The following PHF20L1 variants were observed in gnomAD, a reference collection of about 807,000 sequenced individuals.
The protein encoded by PHF20L1 is PHD finger protein 20 like 1.
PHF20L1 carries 44 observed loss-of-function variants against 125.5 expected under a neutral mutation model. That is an observed-to-expected ratio of 0.35 (90% CI 0.28 to 0.45). The LOEUF (loss-of-function observed/expected upper bound fraction) is 0.45. Among genes scored for constraint, PHF20L1 ranks in the 20% least tolerant of loss-of-function variants. The pLI is 1.00. For missense variants in PHF20L1, 1,012 were observed against 1,217.2 expected (o/e 0.83, Z 2.51); for synonymous variants, 380 against 403.1 (o/e 0.94, Z 0.69).
Position 132,846,110 on chromosome 8 carries a change from A to G in PHF20L1, c.*187A>G, listed in dbSNP as rs1016527432. The G allele has an allele frequency of 2.0e-6, 1 of 509,564 alleles. No individual in the cohort carries two copies. The highest frequency in any genetic ancestry group is 3.5e-6 in the Non-Finnish European group (1 of 285,778). The allele number at this position is 509,564 out of a possible 1,614,324, so 31.6% of individuals were successfully genotyped here. Reference sequence around the variant, plus strand: ...AACTTTATCAAGGAAGCTAGTATTTAAAAACAAATTCATGAGCAAGCTGCA... The same window carrying G: ...AACTTTATCAAGGAAGCTAGTATTTGAAAACAAATTCATGAGCAAGCTGCA... On this transcript the variant is annotated 3_prime_UTR_variant, in exon 21 of 21. Coordinates refer to ENST00000395386, the MANE Select transcript of PHF20L1 (RefSeq NM_016018.5).
At chr8:132,781,687 C>T (rs1309875924) in intron 2 of PHF20L1, among the ~76,000 whole-genome samples, 1 of 152,088 alleles carries the variant, frequency 6.6e-6, no homozygotes, top group Admixed American at 6.6e-5. Context: ...TGCCTCAGTC[C>T]CCCACAGTGC....
chr8:132,831,634 C>A (rs1040201556), intron 14 of PHF20L1, among the ~76,000 whole-genome samples: 1 of 150,092 alleles, frequency 6.7e-6, no homozygotes, highest in African/African-American at 2.4e-5. Context: ...TCTTGCATAT[C>A]TTTTTTTTTT....
At chr8:132,807,052 C>T (rs368408807) in intron 8 of PHF20L1, 4 of 151,890 alleles carry the variant, frequency 2.6e-5, no homozygotes, top group South Asian at 4.1e-4. Flanking sequence ...AATAGGTAGA[C>T]ATTGACAATA....
chr8:132,784,560 G>A (rs1427637255), intron 2 of PHF20L1, among the ~76,000 whole-genome samples: 1 of 151,918 alleles, frequency 6.6e-6, no homozygotes, highest in Non-Finnish European at 1.5e-5. Context: ...TGAGGCAGAG[G>A]TAAGATAGAC....
chr8:132,811,047 T>A lies in PHF20L1; in HGVS notation c.849T>A (p.Gly283=). Residue 283 remains glycine (G), a splice_region_variant and synonymous_variant, in exon 9 of 21, where the codon GGT becomes GGA. Coordinates refer to ENST00000395386, the MANE Select transcript of PHF20L1 (RefSeq NM_016018.5). ...AATTTCTGTACAATTTTTCTCAAGGTTTGTTGGCATCCAAAGCTGTTGGGG... is the reference window on the plus strand; with the variant it reads ...AATTTCTGTACAATTTTTCTCAAGGATTGTTGGCATCCAAAGCTGTTGGGG... The part of the protein sequence containing the change: ...AKRARLNKIT[G]LLASKAVGVD... The A allele has an allele frequency of 1.9e-6, 3 of 1,593,538 alleles. No individual in the cohort carries two copies. The highest frequency in any genetic ancestry group is 2.6e-6 in the Non-Finnish European group (3 of 1,161,256).
At chr8:132,842,954 A>C in intron 19 of PHF20L1, 79 bp downstream of exon 19, 2 of 1,476,044 alleles carry the variant, frequency 1.4e-6, no homozygotes, top group South Asian at 2.9e-5. Context: ...AGGCATACTG[A>C]ATTCCCAGAT....
rs1316220808 is a variant in PHF20L1 at position 132,775,631 on chromosome 8, G to A, written c.-52G>A. On this transcript the variant is annotated 5_prime_UTR_variant, in exon 1 of 21. Coordinates refer to ENST00000395386, the MANE Select transcript of PHF20L1 (RefSeq NM_016018.5). ...CCGGACGGCCCGGCTGCTGTGCAGAGAGGAGGCCGAGTCGGTAAGAGGCGG... is the reference window on the plus strand; with the variant it reads ...CCGGACGGCCCGGCTGCTGTGCAGAAAGGAGGCCGAGTCGGTAAGAGGCGG... The A allele has an allele frequency of 2.9e-6, 1 of 342,074 alleles. No individual in the cohort carries two copies. Among genetic ancestry groups the A allele is most frequent in the Admixed American group, 4.8e-5 (1 of 20,840 alleles). 21.2% of individuals were successfully genotyped at this position (342,074 alleles called of 1,614,324 possible). A position where few individuals can be genotyped will look rare whatever the true frequency, so the allele number is the denominator to read the frequency against.
chr8:132,780,109 A>G (rs1830259339), intron 2 of PHF20L1, among the ~76,000 whole-genome samples: 2 of 152,172 alleles, frequency 1.3e-5, no homozygotes, highest in Non-Finnish European at 1.5e-5. Flanking sequence ...AGAATATTGT[A>G]TATATGTATT....
At position 132,775,584 on chromosome 8, in the gene PHF20L1, C is replaced by T. The variant is rs1411543806; in HGVS notation, c.-99C>T. 3 of 352,228 alleles carry T rather than the reference C, an allele frequency of 8.5e-6. No homozygotes were observed. The highest frequency in any genetic ancestry group is 1.5e-5 in the Non-Finnish European group (3 of 195,848). 21.8% of individuals were successfully genotyped at this position (352,228 alleles called of 1,614,324 possible). On this transcript the variant is annotated 5_prime_UTR_variant, in exon 1 of 21. Transcript: ENST00000395386. ...GAGGCAGAGGCCCGGGCTGGCCGCC[C>T]TGCTCGTGCCCCAGCTCGGCCCCGG... is the stretch of plus-strand genomic sequence containing the variant.
At chr8:132,795,437 A>G (rs752484621) in intron 4 of PHF20L1, among the ~76,000 whole-genome samples, 16 of 152,134 alleles carry the variant, frequency 1.1e-4, no homozygotes, top group Admixed American at 7.2e-4. Context: ...GTGTTGCATA[A>G]GACTGGGAAA....
chr8:132,792,068 T>C (rs1388357393), intron 2 of PHF20L1, among the ~76,000 whole-genome samples: 1 of 152,214 alleles, frequency 6.6e-6, no homozygotes, highest in East Asian at 1.9e-4. Flanking sequence ...GAGAAATGTT[T>C]CAAATATATA....
Position 132,832,370 on chromosome 8 carries a change from C to T in PHF20L1, c.1880C>T (p.Ala627Val). 6.2e-7 allele frequency: 1 copy of T among 1,611,852 alleles called. No homozygotes were observed. Among genetic ancestry groups the T allele is most frequent in the Non-Finnish European group, 8.5e-7 (1 of 1,178,454 alleles). The change falls in exon 15 of 21, where the codon GCA becomes GTA. Residue 627 changes from alanine to valine, a missense_variant. Around this residue, in one of 7 missense-constraint regions of PHF20L1, gnomAD observed 320 missense variants for 293.8 expected, o/e 1.09. Coordinates refer to ENST00000395386, the MANE Select transcript of PHF20L1 (RefSeq NM_016018.5). ...ACTACAACCTATCAGTACCCAAGGGCAATTCTATCCGTTGATCTTAGTGGT... is the reference window on the plus strand; with the variant it reads ...ACTACAACCTATCAGTACCCAAGGGTAATTCTATCCGTTGATCTTAGTGGT... ...EKTTTYQYPR[A>V]ILSVDLSGEN... is the part of the protein sequence containing the mutation.
intron 14 of PHF20L1, among the ~76,000 whole-genome samples, chr8:132,829,031 A>G (rs377656902): frequency 1.3e-5 from 2 of 152,184 alleles, no homozygotes; most frequent in African/African-American, 4.8e-5. Context: ...GACTTTATGT[A>G]GGAGACTACT....
At chr8:132,793,688 C>A (rs1190518340) in intron 2 of PHF20L1, among the ~76,000 whole-genome samples, 1 of 152,124 alleles carries the variant, frequency 6.6e-6, no homozygotes, top group South Asian at 2.1e-4. Flanking sequence ...TTTGGAATTA[C>A]AGAATTACCA....
At position 132,817,399 on chromosome 8, in the gene PHF20L1, G is replaced by A; in HGVS notation, c.1433G>A (p.Ser478Asn). Residue 478 changes from serine (S) to asparagine (N), a missense_variant, in exon 12 of 21, where the codon AGT becomes AAT. Ser to Asn is a conservative substitution (Grantham distance 46, BLOSUM62 1). This residue lies in a region of PHF20L1 where 320 missense variants were observed against 293.8 expected (regional missense o/e 1.09). Coordinates refer to ENST00000395386, the MANE Select transcript of PHF20L1 (RefSeq NM_016018.5). ...KLGPCLPLDL[S>N]RGSEVTAPVA... The stretch of plus-strand genomic sequence containing the variant: ...GGACCCTGTCTCCCTCTTGACTTAA[G>A]TCGTGGTTCAGAAGTTACAGCACCG... The A allele has an allele frequency of 6.2e-7, 1 of 1,612,842 alleles. No individual in the cohort carries two copies. The highest frequency in any genetic ancestry group is 8.5e-7 in the Non-Finnish European group (1 of 1,179,242).
At chr8:132,780,311 A>G (rs1830282599) in intron 2 of PHF20L1, among the ~76,000 whole-genome samples, 1 of 152,124 alleles carries the variant, frequency 6.6e-6, no homozygotes, top group Admixed American at 6.5e-5. Context: ...TGCTCTTAAC[A>G]TTTTATTTAT....
intron 2 of PHF20L1, among the ~76,000 whole-genome samples, chr8:132,789,464 C>T (rs887988032): frequency 6.6e-6 from 1 of 152,064 alleles, no homozygotes; most frequent in Admixed American, 6.5e-5. Context: ...TCAGAAAGTG[C>T]CTCAAGAAAT....
chr8:132,820,564 G>C (rs936672370), intron 12 of PHF20L1, among the ~76,000 whole-genome samples: 1 of 151,908 alleles, frequency 6.6e-6, no homozygotes, highest in African/African-American at 2.4e-5. Flanking sequence ...ATTGCCCCAA[G>C]AGGCCTCTGG....
rs1832153462 is a variant in PHF20L1, at chr8:132,794,451, A to G, written c.125A>G (p.Lys42Arg). The change falls in exon 3 of 21, where the codon AAG becomes AGG. Residue 42 changes from lysine (K) to arginine (R), a missense_variant. By Grantham distance (26) the Lys-to-Arg change is conservative (BLOSUM62 2). Coordinates refer to ENST00000395386, the MANE Select transcript of PHF20L1 (RefSeq NM_016018.5). ...RIEKIDYEEG[K>R]MLVHFERWSH... ...GAAAAAATTGACTATGAGGAGGGCA[A>G]GATGTTGGTCCATTTTGAGCGCTGG... 6.2e-7 allele frequency: 1 copy of G among 1,611,820 alleles called. No homozygotes were observed. Among genetic ancestry groups the G allele is most frequent in the African/African-American group, 1.3e-5 (1 of 74,844 alleles).
Sources: allele counts gnomAD v4.1 joint callset (sites outside exome capture counted in the v4.1 genomes callset), GRCh38; gene constraint gnomAD v4.1.1; regional missense constraint gnomAD v4.1.1; transcripts MANE v1.5; gene names NCBI Gene and HGNC (gene_info 2026-07-23, HGNC 2026-07-21).